ADGRL2: variants seen among roughly 807,000 people sequenced by gnomAD.
ADGRL2 encodes the protein calcium-independent alpha-latrotoxin receptor 2.
Under a neutral mutation model 157.4 loss-of-function variants are expected in ADGRL2, and 44 were observed. The ratio of observed to expected loss-of-function variants is 0.28; its 90% CI spans 0.22 to 0.36. ADGRL2 has a LOEUF of 0.36. Among genes scored for constraint, ADGRL2 ranks in the 10% least tolerant of loss-of-function variants. The pLI is 1.00. For synonymous variants in ADGRL2, 585 were observed against 624.7 expected, an observed-to-expected ratio of 0.94 and a Z score of 0.95; for missense variants, 1,510 against 1,768.9, an observed-to-expected ratio of 0.85 and a Z score of 2.63.
At chr1:81,502,549 G>A in intron 2 of ADGRL2, 1 of 1,614,110 alleles carries the variant, frequency 6.2e-7, no homozygotes, top group Non-Finnish European at 8.5e-7. Context: ...ATAAGCTGGT[G>A]ACCGAGAAGG....
intron 2 of ADGRL2, among the ~76,000 whole-genome samples, chr1:81,489,834 C>T (rs114570933): frequency 1.8e-3 from 270 of 152,248 alleles, no homozygotes; most frequent in Non-Finnish European, 3.4e-3. Context: ...AGCAAAAAGG[C>T]ATCAATCAAG....
chr1:81,540,443 TACAG>T (rs2079854604), intron 2 of ADGRL2, among the ~76,000 whole-genome samples: 1 of 151,830 alleles, frequency 6.6e-6, no homozygotes, highest in East Asian at 1.9e-4. Flanking sequence ...TCATGGAAAA[TACAG>T]ACAAACAGAA....
chr1:81,801,988 G>A (rs1244749159), intron 1 of ADGRL2, among the ~76,000 whole-genome samples: 1 of 151,412 alleles, frequency 6.6e-6, no homozygotes, highest in Non-Finnish European at 1.5e-5. Context: ...AACCCCAGGA[G>A]CCGCCCGGCG....
intron 2 of ADGRL2, among the ~76,000 whole-genome samples, chr1:81,449,124 G>A (rs949691182): frequency 1.3e-5 from 2 of 151,636 alleles, no homozygotes; most frequent in Non-Finnish European, 2.9e-5. Context: ...GTGCTTTTGG[G>A]GGCTAAATAA....
intron 3 of ADGRL2, among the ~76,000 whole-genome samples, chr1:81,907,572 T>C (rs993670426): frequency 2.6e-5 from 4 of 152,192 alleles, no homozygotes; most frequent in African/African-American, 9.7e-5. Flanking sequence ...AATGTTGAAG[T>C]GCCTGGGTCT....
chr1:81,722,151 GGA>G, intron 1 of ADGRL2: 1 of 363,904 alleles, frequency 2.7e-6, no homozygotes. Context: ...AAATTAGCCG[GGA>G]GCGGTGGCAG....
intron 2 of ADGRL2, among the ~76,000 whole-genome samples, chr1:81,764,993 G>A (rs1353657609): frequency 2.0e-5 from 3 of 151,944 alleles, no homozygotes; most frequent in Admixed American, 1.3e-4. Context: ...TTTCCAAATT[G>A]TATTGTGTAA....
At chr1:81,816,832 A>G (rs1230181955) in intron 1 of ADGRL2, among the ~76,000 whole-genome samples, 1 of 152,056 alleles carries the variant, frequency 6.6e-6, no homozygotes, top group Non-Finnish European at 1.5e-5. Flanking sequence ...AAACTTTATT[A>G]CATGTACTTT....
chr1:81,715,640 G>A (rs919902393), intron 1 of ADGRL2, among the ~76,000 whole-genome samples: 1 of 151,978 alleles, frequency 6.6e-6, no homozygotes, highest in Non-Finnish European at 1.5e-5. Context: ...GACGTGCCTG[G>A]TACTCCCCAC....
At chr1:81,554,429 C>T (rs552526184) in intron 2 of ADGRL2, among the ~76,000 whole-genome samples, 5 of 152,128 alleles carry the variant, frequency 3.3e-5, no homozygotes, top group Admixed American at 2.0e-4. Flanking sequence ...CCTTGGCTTC[C>T]GTAGTTCCTT....
chr1:81,745,215 A>G lies in ADGRL2; in HGVS notation c.-142-16596A>G. On this transcript the variant is annotated intron_variant, in intron 1 of 20. Transcript: ENST00000359929. ...GAAAAGACTTAATAATAACAAAAAT[A>G]GTTTAACTTTTTTATAGCACAATGA... Among the ~76,000 whole-genome samples, 6 of 152,342 alleles carry G rather than the reference A, an allele frequency of 3.9e-5. No individual in the cohort carries two copies. The Middle Eastern group carries it at 0.017, about 432-fold the overall frequency.
intron 11 of ADGRL2, among the ~76,000 whole-genome samples, chr1:81,957,839 T>A (rs192579517): frequency 6.6e-6 from 1 of 152,140 alleles, no homozygotes; most frequent in Non-Finnish European, 1.5e-5. Flanking sequence ...TTTACTAGTC[T>A]AAATGCTGAT....
intron 2 of ADGRL2, among the ~76,000 whole-genome samples, chr1:81,842,557 C>T (rs1039013627): frequency 2.0e-5 from 3 of 151,656 alleles, no homozygotes; most frequent in African/African-American, 7.3e-5. Context: ...GGGGTTTCAC[C>T]ATATTGGCCA....
In ADGRL2 at chr1:81,345,251, A is replaced by C. The variant is rs1206160458; in HGVS notation, c.-302+38742A>C. ...AGCTCTCAAAGAATGGTTAGTTATT[A>C]ATAGATGCAAGTCACTAAGCCTGGG... On this transcript the variant is annotated intron_variant, in intron 1 of 24. Transcript: ENST00000370721. Among the ~76,000 whole-genome samples, 3 of 152,310 alleles carry C rather than the reference A, an allele frequency of 2.0e-5. No homozygotes were observed. The East Asian group carries it at 5.8e-4, about 29-fold the overall frequency.
chr1:81,495,847 A>G (rs1464049096), intron 2 of ADGRL2, among the ~76,000 whole-genome samples: 1 of 152,182 alleles, frequency 6.6e-6, no homozygotes, highest in African/African-American at 2.4e-5. Context: ...GTCATTGGTA[A>G]CCATTTCTCA....
chr1:81,807,778 A>G (rs1447257717), intron 1 of ADGRL2, among the ~76,000 whole-genome samples: 1 of 151,716 alleles, frequency 6.6e-6, no homozygotes, highest in African/African-American at 2.4e-5. Context: ...GATTGTTTTG[A>G]TGTAAGTATT....
intron 1 of ADGRL2, among the ~76,000 whole-genome samples, chr1:81,757,946 C>T (rs972296171): frequency 6.6e-6 from 1 of 152,058 alleles, no homozygotes; most frequent in African/African-American, 2.4e-5. Flanking sequence ...ACTTCAAAAC[C>T]AAACTAAGTA....
intron 1 of ADGRL2, among the ~76,000 whole-genome samples, chr1:81,353,985 A>AAG (rs1448423422): frequency 1.3e-5 from 2 of 152,124 alleles, no homozygotes; most frequent in Admixed American, 6.5e-5. Context: ...CTAGAATGAC[A>AAG]TGTCTGCAGA....
chr1:81,866,366 CT>C (rs2093543993), intron 2 of ADGRL2, among the ~76,000 whole-genome samples: 1 of 152,092 alleles, frequency 6.6e-6, no homozygotes. Flanking sequence ...TTTTATGTCT[CT>C]CCCACTATAA....
Sources: gnomAD v4.1 joint callset for allele counts (sites outside exome capture counted in the v4.1 genomes callset) on GRCh38, gnomAD v4.1.1 for gene constraint, MANE v1.5 for transcripts, NCBI Gene and HGNC (gene_info 2026-07-23, HGNC 2026-07-21) for gene names.